The following ZNF618 variants were observed in gnomAD, a reference collection of about 807,000 sequenced individuals.
The protein encoded by ZNF618 is zinc finger protein 618, also known as neural precursor cell expressed, developmentally down-regulated 10.
In ZNF618, 34 loss-of-function variants were observed where a neutral mutation model predicts 103.0. The ratio of observed to expected loss-of-function variants is 0.33; its 90% confidence interval spans 0.25 to 0.44. ZNF618 has a LOEUF of 0.44. ZNF618 is among the 20% of genes least tolerant of loss of function. The pLI is 1.00. For missense variants in ZNF618, 1,059 were observed against 1,295.4 expected (o/e 0.82, Z 2.80); for synonymous variants, 551 against 542.2 (o/e 1.02, Z -0.23).
intron 1 of ZNF618, among the ~76,000 whole-genome samples, chr9:113,935,956 T>TC (rs1305257470): frequency 2.0e-5 from 3 of 152,192 alleles, no homozygotes; most frequent in African/African-American, 7.2e-5. Flanking sequence ...AGGCTGGGAT[T>TC]CTTTTTTTTC....
In ZNF618 at chr9:114,032,849, G is replaced by A. The variant is rs866487980; in HGVS notation, c.1168+121G>A. On this transcript the variant is annotated intron_variant, in intron 12 of 14. Transcript: ENST00000374126. ...TTGTGGTGCATTATGGATCTTGTTG[G>A]GAGGAGGCTGGGAGCAGGGAATTAG... 1.2e-3 allele frequency: 1,074 copies of A among 860,560 alleles called. 16 individuals carry two copies. In the South Asian group the frequency reaches 0.015, roughly 12 times the overall value. The allele number at this position is 860,560 out of a possible 1,614,324, so 53.3% of individuals were successfully genotyped here.
At chr9:114,042,392 G>A (rs1845274866) in intron 13 of ZNF618, among the ~76,000 whole-genome samples, 1 of 152,198 alleles carries the variant, frequency 6.6e-6, no homozygotes, top group South Asian at 2.1e-4. Flanking sequence ...CATAACAGTG[G>A]CTGGGCTTGG....
At chr9:114,001,775 A>T (rs980778665) in intron 4 of ZNF618, among the ~76,000 whole-genome samples, 1 of 152,160 alleles carries the variant, frequency 6.6e-6, no homozygotes, top group African/African-American at 2.4e-5. Flanking sequence ...TGAGGCCCAG[A>T]GATGGGGGGG....
chr9:114,016,265 T>A, intron 9 of ZNF618: 1 of 1,159,864 alleles, frequency 8.6e-7, no homozygotes, highest in Non-Finnish European at 1.3e-6. Flanking sequence ...GTCCTGGAGA[T>A]GAGGGGACCC....
chr9:113,990,403 C>T (rs2418262), intron 3 of ZNF618, among the ~76,000 whole-genome samples: 89,785 of 151,978 alleles, frequency 0.59, 27,004 homozygotes, highest in Middle Eastern at 0.73. Context: ...GTATTGGTTT[C>T]TGGGAGTGGT....
intron 1 of ZNF618, among the ~76,000 whole-genome samples, chr9:113,916,593 G>A (rs904081691): frequency 6.6e-6 from 1 of 152,190 alleles, no homozygotes; most frequent in Non-Finnish European, 1.5e-5. Flanking sequence ...GAGTATCATG[G>A]CACTTAACCG....
chr9:113,941,023 C>T (rs1306248577), intron 1 of ZNF618, among the ~76,000 whole-genome samples: 1 of 151,630 alleles, frequency 6.6e-6, no homozygotes, highest in Non-Finnish European at 1.5e-5. Context: ...TTCTTTATTC[C>T]CCTCTTTTCT....
intron 2 of ZNF618, among the ~76,000 whole-genome samples, chr9:113,978,848 G>A (rs1311073250): frequency 6.6e-6 from 1 of 152,148 alleles, no homozygotes; most frequent in Admixed American, 6.5e-5. Context: ...TTGCACAGAA[G>A]GATGAGATGG....
At chr9:113,990,356 C>T (rs1258392213) in intron 3 of ZNF618, among the ~76,000 whole-genome samples, 1 of 152,202 alleles carries the variant, frequency 6.6e-6, no homozygotes, top group Non-Finnish European at 1.5e-5. Context: ...ATTTATGTCT[C>T]CATGTTCCCT....
intron 9 of ZNF618, among the ~76,000 whole-genome samples, chr9:114,015,775 A>T (rs561470453): frequency 6.6e-6 from 1 of 152,324 alleles, no homozygotes; most frequent in South Asian, 2.1e-4. Context: ...GGCTCAGCAA[A>T]TTCCAAAGTC....
At chr9:113,951,089 T>C (rs1454777333) in intron 1 of ZNF618, among the ~76,000 whole-genome samples, 1 of 150,676 alleles carries the variant, frequency 6.6e-6, no homozygotes, top group Non-Finnish European at 1.5e-5. Context: ...GGGAGGGGGC[T>C]TGATTGGAGG....
chr9:114,023,597 A>C (rs1843248961), intron 10 of ZNF618, among the ~76,000 whole-genome samples: 1 of 152,110 alleles, frequency 6.6e-6, no homozygotes, highest in African/African-American at 2.4e-5. Context: ...GAATTCCATC[A>C]ATTATCATTT....
At chr9:114,014,334 A>G (rs1180010195) in intron 9 of ZNF618, among the ~76,000 whole-genome samples, 1 of 152,204 alleles carries the variant, frequency 6.6e-6, no homozygotes, top group Non-Finnish European at 1.5e-5. Flanking sequence ...TTTACTCTGC[A>G]CTTGAGCTTC....
intron 1 of ZNF618, among the ~76,000 whole-genome samples, chr9:113,904,909 T>A (rs1830852963): frequency 6.6e-6 from 1 of 152,150 alleles, no homozygotes; most frequent in Non-Finnish European, 1.5e-5. Flanking sequence ...TCCAGCATAA[T>A]CTCTCTATCT....
intron 3 of ZNF618, among the ~76,000 whole-genome samples, chr9:113,989,852 C>T (rs1168212336): frequency 2.0e-5 from 3 of 152,246 alleles, no homozygotes; most frequent in South Asian, 4.1e-4. Flanking sequence ...CAGCATCCTG[C>T]TAACAGCCAT....
At chr9:113,921,052 C>T (rs1383549190) in intron 1 of ZNF618, among the ~76,000 whole-genome samples, 1 of 152,236 alleles carries the variant, frequency 6.6e-6, no homozygotes, top group Non-Finnish European at 1.5e-5. Context: ...TCCAGCTCAG[C>T]ATGTGTCTCT....
Position 114,053,154 on chromosome 9 carries a change from C to T in ZNF618, c.*2987C>T, listed in dbSNP as rs774314049. 1.3e-5 allele frequency: 2 copies of T among 152,624 alleles called. No individual in the cohort carries two copies. The highest frequency in any genetic ancestry group is 6.5e-5 in the Admixed American group (1 of 15,288). 9.5% of individuals were successfully genotyped at this position (152,624 alleles called of 1,614,324 possible). On this transcript the variant is annotated 3_prime_UTR_variant, in exon 15 of 15. Coordinates refer to ENST00000374126, the MANE Select transcript of ZNF618 (RefSeq NM_001318042.2). ...GGCTGTTCTCAGAGTGCAAATCCTG[C>T]TGCAACTAACAGCTTAATAAAACCC... is the stretch of plus-strand genomic sequence containing the variant.
intron 2 of ZNF618, among the ~76,000 whole-genome samples, 198 bp from the exon 3 acceptor site, chr9:113,988,122 AC>A (rs2133290451): frequency 6.6e-6 from 1 of 152,222 alleles, no homozygotes; most frequent in African/African-American, 2.4e-5. Flanking sequence ...TGGTTTTCAA[AC>A]TGTGTTCCTT....
At chr9:113,896,625 T>G (rs1420907342) in intron 1 of ZNF618, among the ~76,000 whole-genome samples, 1 of 152,026 alleles carries the variant, frequency 6.6e-6, no homozygotes, top group Non-Finnish European at 1.5e-5. Flanking sequence ...ATCATTGACT[T>G]TATTAATTGT....
Sources: allele counts gnomAD v4.1 joint callset (sites outside exome capture counted in the v4.1 genomes callset), GRCh38; gene constraint gnomAD v4.1.1; transcripts MANE v1.5; gene names NCBI Gene and HGNC (gene_info 2026-07-23, HGNC 2026-07-21).